The following LRP1B variants were observed in gnomAD, a reference collection of about 807,000 sequenced individuals.
The protein encoded by LRP1B is LDL receptor related protein 1B.
A neutral mutation model predicts 556.6 loss-of-function variants in LRP1B; 217 were observed. The ratio of observed to expected loss-of-function variants is 0.39; its 90% CI spans 0.35 to 0.44. The LOEUF (loss-of-function observed/expected upper bound fraction) is 0.44, where lower values mean the gene tolerates loss of function less well. Ranked by LOEUF, LRP1B falls within the 20% of genes least tolerant of loss-of-function variation. The pLI is 1.00. For synonymous variants in LRP1B, 2,047 were observed against 1,865.8 expected, an observed-to-expected ratio of 1.10 and a Z score of -2.50; for missense variants, 5,053 against 5,620.8, an observed-to-expected ratio of 0.90 and a Z score of 3.23.
At chr2:140,251,205 A>C (rs1681396997) in intron 86 of LRP1B, among the ~76,000 whole-genome samples, 1 of 151,890 alleles carries the variant, frequency 6.6e-6, no homozygotes, top group Admixed American at 6.6e-5. Context: ...ATATCAAAAT[A>C]AGTTTGGCTT....
At chr2:140,731,208 C>G (rs1687764367) in intron 35 of LRP1B, among the ~76,000 whole-genome samples, 1 of 152,166 alleles carries the variant, frequency 6.6e-6, no homozygotes, top group Non-Finnish European at 1.5e-5. Flanking sequence ...CTGTGCTTCT[C>G]TCTATAGTTA....
chr2:141,505,424 G>A (rs1027227658), intron 2 of LRP1B, among the ~76,000 whole-genome samples: 5 of 152,002 alleles, frequency 3.3e-5, no homozygotes, highest in Non-Finnish European at 5.9e-5. Flanking sequence ...GTAACAGTAT[G>A]TATACTCACT....
chr2:141,314,615 C>T (rs1686929214), intron 3 of LRP1B, among the ~76,000 whole-genome samples: 1 of 151,050 alleles, frequency 6.6e-6, no homozygotes, highest in African/African-American at 2.4e-5. Flanking sequence ...CATGATGAAA[C>T]CCCGTTTCTA....
At chr2:141,752,868 C>T (rs960959855) in intron 2 of LRP1B, among the ~76,000 whole-genome samples, 3 of 136,534 alleles carry the variant, frequency 2.2e-5, no homozygotes, top group Admixed American at 8.2e-5. Flanking sequence ...CACTTGAGCC[C>T]GGGAGGTTGA....
chr2:140,868,630 T>A (rs186366579), intron 25 of LRP1B, among the ~76,000 whole-genome samples: 1 of 152,114 alleles, frequency 6.6e-6, no homozygotes, highest in East Asian at 1.9e-4. Flanking sequence ...CAACATATGC[T>A]AAGGCCCTAA....
intron 2 of LRP1B, among the ~76,000 whole-genome samples, chr2:141,486,585 TCCTTCC>T (rs1683129781): frequency 6.6e-6 from 1 of 152,088 alleles, no homozygotes; most frequent in African/African-American, 2.4e-5. Flanking sequence ...GCATGACTTC[TCCTTCC>T]CCGCAGCTAA....
intron 2 of LRP1B, among the ~76,000 whole-genome samples, chr2:141,588,539 C>T (rs1353221587): frequency 1.3e-5 from 2 of 152,030 alleles, no homozygotes; most frequent in African/African-American, 2.4e-5. Context: ...TTGTTTTAGC[C>T]CCTCTCCAGC....
intron 43 of LRP1B, among the ~76,000 whole-genome samples, chr2:140,569,263 T>C (rs1028538539): frequency 3.9e-5 from 6 of 151,972 alleles, no homozygotes; most frequent in South Asian, 2.1e-4. Context: ...TTAAAACATA[T>C]AGACTGGCTG....
chr2:142,045,690 A>G (rs1704234228), intron 1 of LRP1B, among the ~76,000 whole-genome samples: 1 of 151,878 alleles, frequency 6.6e-6, no homozygotes, highest in South Asian at 2.1e-4. Context: ...TTTGTTTGCT[A>G]TACATTCTCT....
At chr2:140,662,229 T>C (rs1253768033) in intron 41 of LRP1B, among the ~76,000 whole-genome samples, 1 of 152,018 alleles carries the variant, frequency 6.6e-6, no homozygotes, top group Non-Finnish European at 1.5e-5. Flanking sequence ...CTTGACTACA[T>C]TTGTATGAGG....
intron 3 of LRP1B, among the ~76,000 whole-genome samples, chr2:141,264,087 A>T (rs1684799254): frequency 6.6e-6 from 1 of 152,210 alleles, no homozygotes; most frequent in African/African-American, 2.4e-5. Flanking sequence ...GAAGTTTGTA[A>T]CCAGTGCATT....
rs140133551 is a variant in LRP1B at position 141,569,336 on chromosome 2, A to G, written c.206-88803T>C. 8.6e-5 allele frequency among the ~76,000 whole-genome samples: 13 copies of G among 150,832 alleles called. 1 individual carries two copies. Among genetic ancestry groups the G allele is most frequent in the Non-Finnish European group, 1.9e-4 (13 of 67,306 alleles). On this transcript the variant is annotated intron_variant, in intron 2 of 90. Transcript: ENST00000389484. Reference sequence around the variant, plus strand: ...GATTTTAAGCAGGCCCTAGAAATATAAAAAAAAGGGCATTTTCAGAAAAGT... The same window carrying G: ...GATTTTAAGCAGGCCCTAGAAATATGAAAAAAAGGGCATTTTCAGAAAAGT...
At chr2:140,732,339 T>A (rs1456470729) in intron 35 of LRP1B, among the ~76,000 whole-genome samples, 1 of 152,148 alleles carries the variant, frequency 6.6e-6, no homozygotes, top group African/African-American at 2.4e-5. Context: ...TTTGATGTTT[T>A]TTACTTGGAT....
chr2:140,343,155 A>G (rs1486445522), intron 77 of LRP1B, among the ~76,000 whole-genome samples: 1 of 151,628 alleles, frequency 6.6e-6, no homozygotes, highest in Non-Finnish European at 1.5e-5. Context: ...CAGAATTTTG[A>G]ATGTTTAATA....
In LRP1B at chr2:141,036,994, T is replaced by C. The variant is rs1698552342; in HGVS notation, c.1789+11992A>G. Among the ~76,000 whole-genome samples the C allele has an allele frequency of 2.0e-5, 3 of 152,140 alleles. No individual in the cohort carries two copies. In the South Asian group the frequency reaches 6.2e-4, roughly 32 times the overall value. On this transcript the variant is annotated intron_variant, in intron 11 of 90. Transcript: ENST00000389484. ...CTTCAAAACCCAGACACGCAGGACCTAAGACCAAGACTGGCACAAGAGAAA... is the reference window on the plus strand; with the variant it reads ...CTTCAAAACCCAGACACGCAGGACCCAAGACCAAGACTGGCACAAGAGAAA...
At chr2:142,077,159 A>G (rs1375607) in intron 1 of LRP1B, among the ~76,000 whole-genome samples, 22,930 of 152,144 alleles carry the variant, frequency 0.15, 1,880 homozygotes, top group Non-Finnish European at 0.19. Context: ...ATCTTTACCT[A>G]AAACATGAGA....
chr2:140,566,422 C>T (rs989303874), intron 43 of LRP1B, among the ~76,000 whole-genome samples: 1 of 152,122 alleles, frequency 6.6e-6, no homozygotes, highest in Admixed American at 6.6e-5. Flanking sequence ...AAAAACAGTA[C>T]CTGGCCAGAG....
chr2:141,155,043 A>G (rs963486237), intron 7 of LRP1B, among the ~76,000 whole-genome samples: 25 of 151,990 alleles, frequency 1.6e-4, no homozygotes, highest in Admixed American at 1.1e-3. Flanking sequence ...TTTACAGAGT[A>G]TTACTAAAGA....
At chr2:140,374,921 T>G (rs1683154037) in intron 68 of LRP1B, among the ~76,000 whole-genome samples, 1 of 152,130 alleles carries the variant, frequency 6.6e-6, no homozygotes, top group South Asian at 2.1e-4. Flanking sequence ...TTTGGTAAAG[T>G]AAGGACTCAA....
Sources: allele counts gnomAD v4.1 joint callset (sites outside exome capture counted in the v4.1 genomes callset), GRCh38; gene constraint gnomAD v4.1.1; transcripts MANE v1.5; gene names NCBI Gene and HGNC (gene_info 2026-07-23, HGNC 2026-07-21).